Variants in RPS6KC1 observed in about 807,000 individuals in gnomAD.
RPS6KC1 encodes the protein ribosomal protein S6 kinase C1.
RPS6KC1 carries 54 observed loss-of-function variants against 103.8 expected under a neutral mutation model. That is an observed-to-expected ratio of 0.52 (90% CI 0.42 to 0.65). The LOEUF is 0.65. RPS6KC1 is among the 30% of genes least tolerant of loss of function. RPS6KC1 has a pLI of 0.00. For missense variants in RPS6KC1, 1,151 were observed against 1,253.8 expected, an observed-to-expected ratio of 0.92 and a Z score of 1.24; for synonymous variants, 439 against 438.7, an observed-to-expected ratio of 1.00 and a Z score of -0.01.
the RPS6KC1 span, among the ~76,000 whole-genome samples, chr1:213,795,466 C>A: frequency 4.6e-5 from 7 of 152,128 alleles, no homozygotes; most frequent in Non-Finnish European, 8.8e-5. Context: ...TAGATGCTTT[C>A]TCTATAGTAT....
intron 13 of RPS6KC1, among the ~76,000 whole-genome samples, chr1:213,261,854 T>C (rs2094805518): frequency 1.3e-5 from 2 of 152,214 alleles, no homozygotes; most frequent in Admixed American, 6.5e-5. Flanking sequence ...GGTAAAGTTA[T>C]TTTATGTCAC....
intron 14 of RPS6KC1, among the ~76,000 whole-genome samples, chr1:213,266,509 C>T (rs1335274580): frequency 1.3e-5 from 2 of 152,006 alleles, no homozygotes; most frequent in Admixed American, 1.3e-4. Context: ...TTTCTTTCCC[C>T]CAAAAAGTAT....
chr1:213,546,669 T>A, the RPS6KC1 span, among the ~76,000 whole-genome samples: 3 of 152,108 alleles, frequency 2.0e-5, no homozygotes, highest in Non-Finnish European at 4.4e-5. Flanking sequence ...TAAAAAAAAA[T>A]TAATAGGCCT....
chr1:213,147,807 T>C (rs1481393584), intron 6 of RPS6KC1, among the ~76,000 whole-genome samples: 1 of 152,242 alleles, frequency 6.6e-6, no homozygotes, highest in African/African-American at 2.4e-5. Flanking sequence ...TTTAACAATA[T>C]TGATTCTACC....
At chr1:213,288,772 G>A in the RPS6KC1 span, among the ~76,000 whole-genome samples, 1 of 152,126 alleles carries the variant, frequency 6.6e-6, no homozygotes. Context: ...GGATCTATTG[G>A]ATCCTGCTGG....
the RPS6KC1 span, among the ~76,000 whole-genome samples, chr1:213,579,676 TGCAGCTGGTGAC>T: frequency 6.6e-6 from 1 of 152,074 alleles, no homozygotes; most frequent in African/African-American, 2.4e-5. Flanking sequence ...TGAGAGCTAA[TGCAGCTGGTGAC>T]TTAGAGTTGG....
intron 2 of RPS6KC1, among the ~76,000 whole-genome samples, chr1:213,071,562 A>T (rs1314355411): frequency 6.6e-6 from 1 of 152,206 alleles, no homozygotes; most frequent in East Asian, 1.9e-4. Flanking sequence ...TAAGAATTTA[A>T]TGAATTATGG....
At chr1:213,442,443 G>A in the RPS6KC1 span, among the ~76,000 whole-genome samples, 1 of 152,262 alleles carries the variant, frequency 6.6e-6, no homozygotes, top group South Asian at 2.1e-4. Context: ...TAGCAGAAAG[G>A]TCAAGAACAT....
chr1:213,722,647 C>A, the RPS6KC1 span, among the ~76,000 whole-genome samples: 1 of 152,104 alleles, frequency 6.6e-6, no homozygotes, highest in African/African-American at 2.4e-5. Flanking sequence ...TGGAGGGAGA[C>A]CCAGAGTGAA....
the RPS6KC1 span, among the ~76,000 whole-genome samples, chr1:213,391,940 T>C: frequency 6.6e-6 from 1 of 152,204 alleles, no homozygotes; most frequent in Non-Finnish European, 1.5e-5. Context: ...GCCCGCTTCC[T>C]ATGATGTAGC....
intron 3 of RPS6KC1, among the ~76,000 whole-genome samples, chr1:213,091,620 CACTT>C (rs1185840602): frequency 5.3e-5 from 8 of 152,162 alleles, no homozygotes; most frequent in African/African-American, 1.9e-4. Flanking sequence ...ATTTTGTAAA[CACTT>C]ACCCATTTTA....
the RPS6KC1 span, among the ~76,000 whole-genome samples, chr1:213,855,897 G>A: frequency 1.9e-4 from 29 of 152,188 alleles, no homozygotes; most frequent in South Asian, 4.1e-4. Flanking sequence ...GGAGAGTGGC[G>A]GTAGCTGGTG....
intron 8 of RPS6KC1, among the ~76,000 whole-genome samples, chr1:213,178,186 AAAAT>A (rs35813252): frequency 0.51 from 64,695 of 127,922 alleles, 17,496 homozygotes; most frequent in Non-Finnish European, 0.59. Context: ...ACTCTGTCTC[AAAAT>A]AAATAAATAA....
At chr1:213,333,326 G>A in the RPS6KC1 span, among the ~76,000 whole-genome samples, 1 of 152,186 alleles carries the variant, frequency 6.6e-6, no homozygotes, top group Non-Finnish European at 1.5e-5. Flanking sequence ...GCTGGATGTG[G>A]TGGAATGGAA....
chr1:213,783,365 GCGCGGGAAT>G, the RPS6KC1 span, among the ~76,000 whole-genome samples: 1 of 152,282 alleles, frequency 6.6e-6, no homozygotes, highest in South Asian at 2.1e-4. Context: ...TTGAAACGCA[GCGCGGGAAT>G]CAGCCAGAGG....
chr1:213,825,727 G>A, the RPS6KC1 span, among the ~76,000 whole-genome samples: 1 of 152,104 alleles, frequency 6.6e-6, no homozygotes, highest in Non-Finnish European at 1.5e-5. Context: ...CTCCTCATCT[G>A]CAAAATCAGG....
the RPS6KC1 span, among the ~76,000 whole-genome samples, chr1:213,798,535 C>T: frequency 2.0e-5 from 3 of 152,188 alleles, no homozygotes; most frequent in Non-Finnish European, 4.4e-5. Context: ...TGACCCCCAG[C>T]CTTAGCTGTG....
the RPS6KC1 span, among the ~76,000 whole-genome samples, chr1:213,502,204 G>A: frequency 3.9e-5 from 6 of 152,198 alleles, no homozygotes; most frequent in Admixed American, 3.9e-4. Context: ...CTGCAAAAGA[G>A]TCTGGGAAAA....
chr1:213,602,181 T>TCTTTCCTTC, the RPS6KC1 span, among the ~76,000 whole-genome samples: 1 of 112,142 alleles, frequency 8.9e-6, no homozygotes, highest in African/African-American at 3.7e-5. Context: ...TTTCTTTCTT[T>TCTTTCCTTC]CTTTCTTTTT....
Sources: gnomAD v4.1 joint callset for allele counts (sites outside exome capture counted in the v4.1 genomes callset) on GRCh38, gnomAD v4.1.1 for gene constraint, MANE v1.5 for transcripts, NCBI Gene and HGNC (gene_info 2026-07-23, HGNC 2026-07-21) for gene names.